The following CROCC2 variants were observed in gnomAD, a reference collection of about 807,000 sequenced individuals.
CROCC2 encodes the protein ciliary rootlet coiled-coil protein 2.
In CROCC2, 163 loss-of-function variants were observed where a neutral mutation model predicts 177.6. The observed-to-expected ratio is 0.92, with a 90% CI of 0.81 to 1.05. The LOEUF is 1.05. Among genes scored for constraint, CROCC2 ranks in the 50% least tolerant of loss-of-function variants. The probability of loss-of-function intolerance (pLI) is 0.00; values close to 1 mark genes in which losing one functional copy is unlikely to be tolerated. For synonymous variants in CROCC2, 904 were observed against 787.3 expected, an observed-to-expected ratio of 1.15 and a Z score of -2.48; for missense variants, 1,929 against 1,797.8, an observed-to-expected ratio of 1.07 and a Z score of -1.32.
Position 240,958,302 on chromosome 2 carries a change from T to C in CROCC2, c.2944-999T>C. 1 of 619,492 alleles carries C rather than the reference T, an allele frequency of 1.6e-6. No homozygotes were observed. The highest frequency in any genetic ancestry group is 2.0e-6 in the Non-Finnish European group (1 of 495,392). 38.4% of individuals were successfully genotyped at this position (619,492 alleles called of 1,614,324 possible). ...TCAGGGGCACCCATCACTGGCAGTG[T>C]TGGGGCATGCTGAGGCACAGAGCCA... On this transcript the variant is annotated intron_variant, in intron 19 of 31. Coordinates refer to ENST00000690015, the MANE Select transcript of CROCC2 (RefSeq NM_001351305.2). This position sits in a 1 kb window ranked among gnomAD's most constrained non-coding sequence, Gnocchi z 6.7.
Position 240,961,803 on chromosome 2 carries a change from A to ACACTCGCACTCACACACG in CROCC2, c.3088-1748_3088-1747insGCACTCACACACGCACTC, listed in dbSNP as rs1553661605. Among the ~76,000 whole-genome samples, 3 of 76,168 alleles carry ACACTCGCACTCACACACG rather than the reference A, an allele frequency of 3.9e-5. 1 individual carries two copies. The highest frequency in any genetic ancestry group is 7.6e-5 in the Non-Finnish European group (3 of 39,626). The allele number at this position is 76,168 out of a possible 152,430, so 50.0% of individuals were successfully genotyped here. A position where few individuals can be genotyped will look rare whatever the true frequency, so the allele number is the denominator to read the frequency against. On this transcript the variant is annotated intron_variant, in intron 20 of 31. Coordinates refer to ENST00000690015, the MANE Select transcript of CROCC2 (RefSeq NM_001351305.2). Reference sequence around the variant, plus strand: ...TCATCACACACACGCACTCACACATACACTCACATACACTCACACACACGC... The same window carrying ACACTCGCACTCACACACG: ...TCATCACACACACGCACTCACACATACACTCGCACTCACACACGCACTCACATACACTCACACACACGC...
chr2:240,919,507 C>T (rs557761135), intron 2 of CROCC2, among the ~76,000 whole-genome samples: 20 of 152,162 alleles, frequency 1.3e-4, no homozygotes, highest in Admixed American at 1.2e-3. Flanking sequence ...GCCCAGGACT[C>T]CCTCGTGCAT....
intron 18 of CROCC2, chr2:240,955,175 G>C (rs2059582982): frequency 6.6e-6 from 1 of 152,118 alleles, no homozygotes; most frequent in Non-Finnish European, 1.5e-5. Flanking sequence ...TCTTCCTGTG[G>C]CTGTTCTTCC....
At chr2:240,941,297 T>C (rs2059493287) in intron 14 of CROCC2, among the ~76,000 whole-genome samples, 1 of 152,140 alleles carries the variant, frequency 6.6e-6, no homozygotes, top group Non-Finnish European at 1.5e-5. Flanking sequence ...CCCATCAAAA[T>C]ATCATCACCA....
chr2:240,929,608 C>G, intron 5 of CROCC2: 1 of 451,926 alleles, frequency 2.2e-6, no homozygotes, highest in South Asian at 1.6e-5. Context: ...ACTGGGTACC[C>G]AGTGCTAGAG....
chr2:240,962,433 TTC>T (rs1250328767), intron 20 of CROCC2, among the ~76,000 whole-genome samples: 1 of 152,138 alleles, frequency 6.6e-6, no homozygotes, highest in Non-Finnish European at 1.5e-5. Context: ...CTGGGCGGGT[TTC>T]TGCTGAGCTC....
chr2:240,920,161 A>T, intron 3 of CROCC2, 27 bp downstream of exon 3: 1 of 629,698 alleles, frequency 1.6e-6, no homozygotes, highest in Non-Finnish European at 2.9e-6. Context: ...GACTCAGGGC[A>T]GGCGGGAGGT....
chr2:240,988,954 G>A, intron 29 of CROCC2, 84 bp downstream of exon 29: 1 of 1,301,020 alleles, frequency 7.7e-7, no homozygotes, highest in South Asian at 2.3e-5. Context: ...AGTTCCAGAG[G>A]GGTGGCTGGT....
At chr2:240,935,614 C>A in intron 14 of CROCC2, 26 bp downstream of exon 14, 1 of 1,377,064 alleles carries the variant, frequency 7.3e-7, no homozygotes, top group Non-Finnish European at 9.4e-7. Context: ...GGGCATGCTG[C>A]CGCCGTCTGG....
chr2:240,975,883 C>A (rs2059759179), intron 27 of CROCC2, among the ~76,000 whole-genome samples: 1 of 152,000 alleles, frequency 6.6e-6, no homozygotes, highest in Non-Finnish European at 1.5e-5. Flanking sequence ...GCGCCCGCCA[C>A]CACGCCCGGC....
rs1405444273 is a variant in CROCC2 at position 240,917,785 on chromosome 2, A to G, written c.79-941A>G. 6.6e-6 allele frequency among the ~76,000 whole-genome samples: 1 copy of G among 152,214 alleles called. No individual in the cohort carries two copies. On this transcript the variant is annotated intron_variant, in intron 1 of 31. Coordinates refer to ENST00000690015, the MANE Select transcript of CROCC2 (RefSeq NM_001351305.2). This position sits in a 1 kb window ranked among gnomAD's most constrained non-coding sequence, Gnocchi z 4.9. ...ATCCTTAAGGCAGCAGGCCGGGGAC[A>G]GCTGTGGCCTTGCGTATTCCTGCGG...
chr2:240,978,420 A>T (rs1352960000), intron 27 of CROCC2, among the ~76,000 whole-genome samples: 1 of 32,914 alleles, frequency 3.0e-5, no homozygotes, highest in Non-Finnish European at 4.5e-5. Context: ...TAGGAGCCTC[A>T]GGAGCCCAGG....
intron 8 of CROCC2, 116 bp from the exon 9 acceptor site, chr2:240,932,586 C>T (rs1432855241): frequency 1.4e-6 from 1 of 695,442 alleles, no homozygotes; most frequent in African/African-American, 1.8e-5. Flanking sequence ...GCCTGTCCTC[C>T]CAGTGGCAAA....
Position 240,968,185 on chromosome 2 carries a change from A to G in CROCC2, c.4324A>G (p.Lys1442Glu). Reference protein sequence around the residue: ...SSARAARALQKEALRRLELEH... With the variant: ...SSARAARALQEEALRRLELEH... ...CGCCCGGGCAGCACGTGCCCTGCAG[A>G]AGGAGGCGCTCCGCAGGCTGGAGTT... is the stretch of plus-strand genomic sequence containing the variant. Residue 1442 changes from lysine (K) to glutamate (E), a missense_variant, in exon 27 of 32, where the codon AAG becomes GAG. Physicochemically the swap from Lys to Glu is moderately conservative, Grantham distance 56. Transcript: ENST00000690015. 6.5e-7 allele frequency: 1 copy of G among 1,532,202 alleles called. No homozygotes were observed. The highest frequency in any genetic ancestry group is 1.2e-5 in the South Asian group (1 of 83,828). The allele number at this position is 1,532,202 out of a possible 1,614,324, so 94.9% of individuals were successfully genotyped here.
chr2:240,989,365 G>A lies in CROCC2; in HGVS notation c.4684-289G>A, dbSNP rs528060680. On this transcript the variant is annotated intron_variant, in intron 29 of 31. Transcript: ENST00000690015. ...CAAGAATCAAACTTCGATGCCCTCC[G>A]GACACCCAGCCCAGCCAAAAGGAAC... 6.6e-5 allele frequency among the ~76,000 whole-genome samples: 10 copies of A among 152,266 alleles called. 1 individual carries two copies. The South Asian group carries it at 1.0e-3, about 16-fold the overall frequency.
chr2:240,912,209 A>G (rs2059293151), intron 1 of CROCC2, among the ~76,000 whole-genome samples: 2 of 152,064 alleles, frequency 1.3e-5, no homozygotes, highest in Admixed American at 1.3e-4. Flanking sequence ...GTTTTTCCTG[A>G]CACCAGCCAA....
rs55896940 is a variant in CROCC2, at chr2:240,975,719, C to CTTTTT, written c.4402-7138_4402-7134dup. The stretch of plus-strand genomic sequence containing the variant: ...CAGAATCCAGCATCCAACCAGCCTG[C>CTTTTT]TTTTTTTTTTTTTTTTTTTTTTTTT... On this transcript the variant is annotated intron_variant, in intron 27 of 31. Coordinates refer to ENST00000690015, the MANE Select transcript of CROCC2 (RefSeq NM_001351305.2). Among the ~76,000 whole-genome samples, 2 of 88,008 alleles carry CTTTTT rather than the reference C, an allele frequency of 2.3e-5. 1 individual carries two copies. Among genetic ancestry groups the CTTTTT allele is most frequent in the East Asian group, 6.7e-4 (2 of 2,972 alleles). 57.7% of individuals were successfully genotyped at this position (88,008 alleles called of 152,430 possible).
chr2:240,925,678 G>A (rs2059391192), intron 4 of CROCC2, 46 bp from the exon 5 acceptor site: 1 of 676,450 alleles, frequency 1.5e-6, no homozygotes, highest in Non-Finnish European at 2.7e-6. Flanking sequence ...GCCTCTCTTA[G>A]GAGAGGCTTC....
At position 240,953,985 on chromosome 2, in the gene CROCC2, G is replaced by C. The variant is rs755138781; in HGVS notation, c.2830-1874G>C. On this transcript the variant is annotated intron_variant, in intron 18 of 31. Transcript: ENST00000690015. This position sits in a 1 kb window ranked among gnomAD's most constrained non-coding sequence, Gnocchi z 4.0. Reference sequence around the variant, plus strand: ...TCCCTTGCTGTGTCCAGTAATGAGGGGTACAGGAGGGAGAGGCAGGGCCCC... The same window carrying C: ...TCCCTTGCTGTGTCCAGTAATGAGGCGTACAGGAGGGAGAGGCAGGGCCCC... 6.6e-6 allele frequency among the ~76,000 whole-genome samples: 1 copy of C among 152,116 alleles called. No homozygotes were observed. The highest frequency in any genetic ancestry group is 1.5e-5 in the Non-Finnish European group (1 of 68,030).
Sources: allele counts gnomAD v4.1 joint callset (sites outside exome capture counted in the v4.1 genomes callset), GRCh38; gene constraint gnomAD v4.1.1; non-coding constraint Gnocchi (gnomAD v3.1); transcripts MANE v1.5; gene names NCBI Gene and HGNC (gene_info 2026-07-23, HGNC 2026-07-21).